The following CCDC33 variants were observed in gnomAD, a reference collection of about 807,000 sequenced individuals.
The protein encoded by CCDC33 is coiled-coil domain containing 33.
Under a neutral mutation model 91.9 loss-of-function variants are expected in CCDC33, and 94 were observed. That is an observed-to-expected ratio of 1.02 (90% CI 0.87 to 1.21). The LOEUF (loss-of-function observed/expected upper bound fraction) is 1.21, where lower values mean the gene tolerates loss of function less well. Among genes scored for constraint, CCDC33 ranks in the 50% most tolerant of loss-of-function variants. The pLI, the probability that CCDC33 is intolerant of heterozygous loss-of-function variation, is 0.00. For missense variants in CCDC33, 940 were observed against 935.5 expected, an observed-to-expected ratio of 1.00 and a Z score of -0.06; for synonymous variants, 396 against 374.5, an observed-to-expected ratio of 1.06 and a Z score of -0.66.
intron 10 of CCDC33, among the ~76,000 whole-genome samples, chr15:74,282,125 A>C (rs2059380262): frequency 6.6e-6 from 1 of 152,234 alleles, no homozygotes; most frequent in African/African-American, 2.4e-5. Flanking sequence ...AGGTTCTGCA[A>C]GGGTGAGCTA....
chr15:74,222,530 TTTTC>T (rs1255619254), intron 2 of CCDC33, among the ~76,000 whole-genome samples: 1 of 78,672 alleles, frequency 1.3e-5, no homozygotes, highest in Non-Finnish European at 3.0e-5. Context: ...TTTCTTTTTC[TTTTC>T]TTTTTTTTTT....
intron 2 of CCDC33, among the ~76,000 whole-genome samples, chr15:74,227,175 T>C (rs531623514): frequency 1.3e-3 from 198 of 152,254 alleles, no homozygotes; most frequent in Non-Finnish European, 2.4e-3. Context: ...ACTGAGCCCC[T>C]AGAGGAGATA....
chr15:74,255,410 G>T (rs2075831134), intron 2 of CCDC33, among the ~76,000 whole-genome samples: 1 of 152,226 alleles, frequency 6.6e-6, no homozygotes, highest in South Asian at 2.1e-4. Flanking sequence ...TGCTCAGGAG[G>T]CCCTGGGGTT....
Position 74,336,048 on chromosome 15 carries a change from AC to A in CCDC33, c.2265del (p.Ter756GlufsTer30). Reference protein sequence around the residue: ...PQKETANSQQT With the variant: ...PQKETANSQQX ...GAAGGAGACCGCTAACTCTCAGCAG[AC>A]CTGAGCCCCAGAGCAGGCCTCCTTC... On this transcript the variant is annotated frameshift_variant, in exon 19 of 19. Transcript: ENST00000398814. LOFTEE classifies it high-confidence loss of function. The A allele has an allele frequency of 6.2e-7, 1 of 1,613,752 alleles. No individual in the cohort carries two copies. Among genetic ancestry groups the A allele is most frequent in the Non-Finnish European group, 8.5e-7 (1 of 1,179,986 alleles).
chr15:74,328,187 G>T (rs1222600961), intron 11 of CCDC33, among the ~76,000 whole-genome samples: 1 of 152,232 alleles, frequency 6.6e-6, no homozygotes, highest in Non-Finnish European at 1.5e-5. Flanking sequence ...GTAATGGGCT[G>T]CCATAAACTG....
chr15:74,258,796 C>T (rs937536562), intron 2 of CCDC33, among the ~76,000 whole-genome samples: 1 of 152,130 alleles, frequency 6.6e-6, no homozygotes, highest in African/African-American at 2.4e-5. Context: ...AGCTGCAGCC[C>T]CCGGGAACCA....
At chr15:74,275,272 A>G (rs2076421772) in intron 7 of CCDC33, among the ~76,000 whole-genome samples, 1 of 152,194 alleles carries the variant, frequency 6.6e-6, no homozygotes, top group Non-Finnish European at 1.5e-5. Flanking sequence ...TCCTTTCTCC[A>G]GACTCATTGA....
chr15:74,250,144 C>G (rs924976852), intron 2 of CCDC33, among the ~76,000 whole-genome samples: 1 of 152,190 alleles, frequency 6.6e-6, no homozygotes, highest in African/African-American at 2.4e-5. Flanking sequence ...CTTCTCTCCA[C>G]CAGCTCCACC....
chr15:74,272,695 T>G, intron 6 of CCDC33, 76 bp from the exon 7 acceptor site: 1 of 1,569,532 alleles, frequency 6.4e-7, no homozygotes, highest in Non-Finnish European at 8.6e-7. Flanking sequence ...CAACCCAGAG[T>G]CTAAGCGGGG....
At chr15:74,220,868 G>A (rs904654289) in intron 2 of CCDC33, among the ~76,000 whole-genome samples, 1 of 152,222 alleles carries the variant, frequency 6.6e-6, no homozygotes, top group African/African-American at 2.4e-5. Context: ...TACAGGGGCT[G>A]TTTCAGCTCC....
intron 2 of CCDC33, among the ~76,000 whole-genome samples, chr15:74,253,364 G>A (rs990200233): frequency 2.6e-5 from 4 of 152,214 alleles, no homozygotes; most frequent in African/African-American, 9.7e-5. Context: ...ATGCCACAGG[G>A]TCTAGCTTGT....
At chr15:74,278,887 C>T (rs1001104823) in intron 7 of CCDC33, among the ~76,000 whole-genome samples, 5 of 152,222 alleles carry the variant, frequency 3.3e-5, no homozygotes, top group East Asian at 1.9e-4. Context: ...TCAAGTCCCC[C>T]GAGTGCCCAC....
chr15:74,330,778 G>A (rs1329341078), intron 13 of CCDC33, 27 bp downstream of exon 13: 2 of 1,597,172 alleles, frequency 1.3e-6, no homozygotes, highest in Non-Finnish European at 1.7e-6. Flanking sequence ...GGGGGCAGAG[G>A]GGAGGGAGCT....
intron 9 of CCDC33, 35 bp downstream of exon 9, chr15:74,280,836 G>A: frequency 1.4e-6 from 2 of 1,419,656 alleles, no homozygotes; most frequent in Non-Finnish European, 1.9e-6. Context: ...CCCCTAGCGT[G>A]CCCACCTGGC....
intron 10 of CCDC33, among the ~76,000 whole-genome samples, chr15:74,290,182 C>CTTTT (rs3057599): frequency 4.1e-5 from 6 of 145,546 alleles, no homozygotes; most frequent in African/African-American, 1.0e-4. Flanking sequence ...GTTTCTTTTC[C>CTTTT]TTTTTTTTTT....
At chr15:74,264,588 G>A (rs993603447) in intron 3 of CCDC33, among the ~76,000 whole-genome samples, 4 of 152,182 alleles carry the variant, frequency 2.6e-5, no homozygotes, top group Admixed American at 1.3e-4. Flanking sequence ...ATGGCGAGTT[G>A]GCATAAGGGG....
intron 10 of CCDC33, among the ~76,000 whole-genome samples, chr15:74,286,036 A>G (rs1376974844): frequency 1.3e-5 from 2 of 152,206 alleles, no homozygotes; most frequent in African/African-American, 4.8e-5. Context: ...TCATGAGGTC[A>G]GGAATTCAAG....
At chr15:74,219,484 T>G (rs1008768240) in intron 2 of CCDC33, among the ~76,000 whole-genome samples, 2 of 152,136 alleles carry the variant, frequency 1.3e-5, no homozygotes, top group African/African-American at 4.8e-5. Flanking sequence ...CCTGGAAACC[T>G]TAGTGTATAA....
chr15:74,297,942 C>T (rs351190), intron 11 of CCDC33, among the ~76,000 whole-genome samples: 134,020 of 152,202 alleles, frequency 0.88, 59,739 homozygotes, highest in Non-Finnish European at 0.95. Flanking sequence ...CTGACTCACA[C>T]CACCTCTAGA....
Sources: allele counts gnomAD v4.1 joint callset (sites outside exome capture counted in the v4.1 genomes callset), GRCh38; gene constraint gnomAD v4.1.1; transcripts MANE v1.5; gene names NCBI Gene and HGNC (gene_info 2026-07-23, HGNC 2026-07-21).